Variants in ALPK1 observed in about 807,000 individuals in gnomAD.
The protein encoded by ALPK1 is alpha-protein kinase 1.
Under a neutral mutation model 120.6 loss-of-function variants are expected in ALPK1, and 110 were observed. The ratio of observed to expected loss-of-function variants is 0.91; its 90% CI spans 0.78 to 1.07. ALPK1 has a LOEUF of 1.07. ALPK1 is among the 50% of genes least tolerant of loss of function. ALPK1 has a pLI of 0.00. For synonymous variants in ALPK1, 582 were observed against 560.3 expected, an observed-to-expected ratio of 1.04 and a Z score of -0.55; for missense variants, 1,498 against 1,483.9, an observed-to-expected ratio of 1.01 and a Z score of -0.16.
At chr4:112,355,113 A>T (rs1730542359) in intron 2 of ALPK1, among the ~76,000 whole-genome samples, 1 of 152,150 alleles carries the variant, frequency 6.6e-6, no homozygotes, top group Non-Finnish European at 1.5e-5. Context: ...TCTTGTGCAC[A>T]TGTTAGAATT....
In ALPK1 at chr4:112,390,934, G is replaced by A. The variant is rs189703395; in HGVS notation, c.276+8382G>A. 1.5e-3 allele frequency among the ~76,000 whole-genome samples: 228 copies of A among 152,286 alleles called. 1 individual carries two copies. Among genetic ancestry groups the A allele is most frequent in the African/African-American group, 5.0e-3 (209 of 41,558 alleles). Reference sequence around the variant, plus strand: ...ACTGCCAAGGAAAGAATGATTATGTGAGGTCCTGCATAAACGTTAGGCTTG... The same window carrying A: ...ACTGCCAAGGAAAGAATGATTATGTAAGGTCCTGCATAAACGTTAGGCTTG... On this transcript the variant is annotated intron_variant, in intron 4 of 15. Coordinates refer to ENST00000650871, the MANE Select transcript of ALPK1 (RefSeq NM_025144.4).
chr4:112,341,476 G>A (rs1053336384), intron 2 of ALPK1, among the ~76,000 whole-genome samples: 5 of 152,212 alleles, frequency 3.3e-5, no homozygotes, highest in African/African-American at 1.2e-4. Context: ...GAGAAAGGAA[G>A]TGCTTCAGTA....
chr4:112,432,895 A>G (rs1734637522), intron 11 of ALPK1, among the ~76,000 whole-genome samples: 1 of 152,176 alleles, frequency 6.6e-6, no homozygotes, highest in African/African-American at 2.4e-5. Context: ...ACAGCTCTGG[A>G]GGCCGTCTCA....
In ALPK1 at chr4:112,439,911, T is replaced by C. The variant is rs1423179254; in HGVS notation, c.3538+39T>C. 3.4e-6 allele frequency: 5 copies of C among 1,487,436 alleles called. No individual in the cohort carries two copies. In the South Asian group the frequency reaches 5.3e-5, roughly 16 times the overall value. 92.1% of individuals were successfully genotyped at this position (1,487,436 alleles called of 1,614,324 possible). ...GGAATTATTTTTATTTTTAATATTA[T>C]ATGTAAATGTGAAGTTTTGTAACTA... On this transcript the variant is annotated intron_variant, in intron 14 of 15. Coordinates refer to ENST00000650871, the MANE Select transcript of ALPK1 (RefSeq NM_025144.4).
At chr4:112,299,695 A>G (rs998032801) in intron 1 of ALPK1, among the ~76,000 whole-genome samples, 4 of 152,166 alleles carry the variant, frequency 2.6e-5, no homozygotes, top group Non-Finnish European at 4.4e-5. Context: ...AATCTGTTCA[A>G]TTTCCTAAGT....
intron 2 of ALPK1, among the ~76,000 whole-genome samples, chr4:112,332,976 C>T (rs944723399): frequency 6.6e-6 from 1 of 152,098 alleles, no homozygotes; most frequent in Non-Finnish European, 1.5e-5. Context: ...TTCAAGGGTC[C>T]CCAGTCTCCA....
At chr4:112,436,806 C>G (rs1734808371) in intron 12 of ALPK1, among the ~76,000 whole-genome samples, 1 of 151,982 alleles carries the variant, frequency 6.6e-6, no homozygotes, top group Non-Finnish European at 1.5e-5. Flanking sequence ...TGACAGCAGC[C>G]CTGATACACC....
chr4:112,426,410 C>A, intron 7 of ALPK1, 57 bp from the exon 8 acceptor site: 1 of 1,341,636 alleles, frequency 7.5e-7, no homozygotes, highest in Non-Finnish European at 1.1e-6. Context: ...TATACAAGAG[C>A]ACAGATACTA....
intron 2 of ALPK1, chr4:112,358,915 C>T (rs746805790): frequency 1.2e-5 from 9 of 769,104 alleles, no homozygotes; most frequent in Non-Finnish European, 1.7e-5. Flanking sequence ...GCTGAAAACC[C>T]CAAGAAGCAC....
chr4:112,328,358 T>C (rs1464312697), intron 2 of ALPK1, among the ~76,000 whole-genome samples: 1 of 152,224 alleles, frequency 6.6e-6, no homozygotes, highest in Non-Finnish European at 1.5e-5. Flanking sequence ...GGAAGGTAAA[T>C]AGCTTTCCTG....
rs1451562492 is a variant in ALPK1 at position 112,377,722 on chromosome 4, TCTC to T, written c.-53_-51del. 12 of 1,454,580 alleles carry T rather than the reference TCTC, an allele frequency of 8.2e-6. No individual in the cohort carries two copies. In the East Asian group the frequency reaches 2.5e-4, roughly 31 times the overall value. The allele number at this position is 1,454,580 out of a possible 1,614,324, so 90.1% of individuals were successfully genotyped here. ...GCTCCTTTATTGAGAATCAATGTCT[TCTC>T]CTAGGTAATTGATCACCCTAGACCC... On this transcript the variant is annotated 5_prime_UTR_variant, in exon 3 of 16. It introduces an in-frame stop codon into an upstream open reading frame of the 5' UTR. Coordinates refer to ENST00000650871, the MANE Select transcript of ALPK1 (RefSeq NM_025144.4).
intron 2 of ALPK1, among the ~76,000 whole-genome samples, chr4:112,370,350 T>TA (rs1731348593): frequency 6.6e-6 from 1 of 152,200 alleles, no homozygotes; most frequent in Admixed American, 6.5e-5. Context: ...ATTCCAGAAT[T>TA]ATCTGTTTTT....
intron 2 of ALPK1, among the ~76,000 whole-genome samples, chr4:112,350,488 A>G (rs1278463171): frequency 4.6e-5 from 7 of 152,226 alleles, no homozygotes; most frequent in Admixed American, 4.6e-4. Context: ...CTCCGTTGGT[A>G]TAAACAGCGC....
intron 2 of ALPK1, among the ~76,000 whole-genome samples, chr4:112,332,260 C>T (rs1023181244): frequency 1.8e-4 from 27 of 152,136 alleles, no homozygotes; most frequent in African/African-American, 6.3e-4. Flanking sequence ...GTTAATTTGC[C>T]TGTATAATAC....
chr4:112,341,076 C>T (rs1729842937), intron 2 of ALPK1, among the ~76,000 whole-genome samples: 1 of 152,132 alleles, frequency 6.6e-6, no homozygotes, highest in African/African-American at 2.4e-5. Context: ...AACCAAGTAG[C>T]TTAGGTTCTC....
chr4:112,331,317 T>C (rs1335874509), intron 2 of ALPK1, among the ~76,000 whole-genome samples: 2 of 152,194 alleles, frequency 1.3e-5, no homozygotes, highest in Non-Finnish European at 2.9e-5. Context: ...GACATTTACA[T>C]GGGGCACAAG....
intron 2 of ALPK1, among the ~76,000 whole-genome samples, chr4:112,328,780 C>A (rs1403120334): frequency 6.6e-6 from 1 of 152,182 alleles, no homozygotes; most frequent in Non-Finnish European, 1.5e-5. Flanking sequence ...GTGTGACTTC[C>A]AAAACTGTGC....
At chr4:112,403,055 G>T (rs566294149) in intron 4 of ALPK1, among the ~76,000 whole-genome samples, 4 of 152,010 alleles carry the variant, frequency 2.6e-5, no homozygotes, top group Non-Finnish European at 4.4e-5. Flanking sequence ...TTTAGGGGGT[G>T]GGGGAGGGAG....
rs191710385 is a variant in ALPK1 at position 112,306,844 on chromosome 4, G to A, written c.-152-8957G>A. On this transcript the variant is annotated intron_variant, in intron 1 of 15. Transcript: ENST00000650871. ...TCTAGTTCTTTTAATTGTGATGTTA[G>A]GATGTCAATTTAAGATCTTTCCTGC... Among the ~76,000 whole-genome samples, 112 of 152,082 alleles carry A rather than the reference G, an allele frequency of 7.4e-4. 2 individuals carry two copies. The highest frequency in any genetic ancestry group is 2.7e-3 in the African/African-American group (112 of 41,438).
Sources: allele counts gnomAD v4.1 joint callset (sites outside exome capture counted in the v4.1 genomes callset), GRCh38; gene constraint gnomAD v4.1.1; transcripts MANE v1.5; gene names NCBI Gene and HGNC (gene_info 2026-07-23, HGNC 2026-07-21).